Variants in LRPPRC observed in about 807,000 individuals in gnomAD.
The protein encoded by LRPPRC is leucine rich pentatricopeptide repeat containing, also known as leucine-rich PPR motif-containing protein, mitochondrial.
In LRPPRC, 120 loss-of-function variants were observed where a neutral mutation model predicts 180.3. The ratio of observed to expected loss-of-function variants is 0.67; its 90% CI spans 0.57 to 0.77. The LOEUF (loss-of-function observed/expected upper bound fraction) is 0.77, where lower values mean the gene tolerates loss of function less well. LRPPRC is among the 30% of genes least tolerant of loss of function. LRPPRC has a pLI of 0.00. For synonymous variants in LRPPRC, 723 were observed against 600.0 expected, an observed-to-expected ratio of 1.21 and a Z score of -3.00; for missense variants, 2,012 against 1,657.2, an observed-to-expected ratio of 1.21 and a Z score of -3.72.
chr2:43,980,545 C>A (rs545132258), intron 2 of LRPPRC, among the ~76,000 whole-genome samples: 2 of 119,080 alleles, frequency 1.7e-5, no homozygotes, highest in South Asian at 5.3e-4. Context: ...AAGATCAAGA[C>A]TCTGTTTCAA....
At chr2:43,898,301 A>T in intron 34 of LRPPRC, among the ~76,000 whole-genome samples, 1 of 152,166 alleles carries the variant, frequency 6.6e-6, no homozygotes, top group Non-Finnish European at 1.5e-5. Context: ...TAAAAACTGG[A>T]GGTCAAGCAC....
At chr2:43,959,289 T>C (rs1027895642) in intron 13 of LRPPRC, 16 of 696,926 alleles carry the variant, frequency 2.3e-5, no homozygotes, top group East Asian at 1.6e-4. Flanking sequence ...ATACTCAATA[T>C]TTGACTCAAA....
At chr2:43,961,922 C>T (rs1673363080) in intron 12 of LRPPRC, among the ~76,000 whole-genome samples, 1 of 152,116 alleles carries the variant, frequency 6.6e-6, no homozygotes, top group African/African-American at 2.4e-5. Context: ...CAGATCGCAC[C>T]ACTGCACTCT....
chr2:43,918,024 C>T lies in LRPPRC; in HGVS notation c.3148+1G>A. On this transcript the variant is annotated splice_donor_variant, in intron 29 of 37. Coordinates refer to ENST00000260665, the MANE Select transcript of LRPPRC (RefSeq NM_133259.4). LOFTEE classifies it high-confidence loss of function. ...ACACCCCCATCCCCGTATGTGCTTG[C>T]CTTTTTTTTGGTTCAATCGGCAGGC... 1 of 1,606,836 alleles carries T rather than the reference C, an allele frequency of 6.2e-7. No individual in the cohort carries two copies. The highest frequency in any genetic ancestry group is 8.5e-7 in the Non-Finnish European group (1 of 1,174,490).
chr2:43,943,624 C>T (rs1033172578), intron 23 of LRPPRC, 63 bp downstream of exon 23: 48 of 1,386,686 alleles, frequency 3.5e-5, no homozygotes, highest in African/African-American at 3.1e-4. Context: ...AAGTATAATC[C>T]GAAAATTATT....
intron 32 of LRPPRC, among the ~76,000 whole-genome samples, chr2:43,900,202 T>A (rs35508693): frequency 0.049 from 7,417 of 152,252 alleles, 246 homozygotes; most frequent in South Asian, 0.1. Flanking sequence ...AAAAAGTATC[T>A]TCACACTTTA....
chr2:43,889,631 A>C, intron 37 of LRPPRC, 103 bp downstream of exon 37: 2 of 992,178 alleles, frequency 2.0e-6, no homozygotes, highest in Non-Finnish European at 3.2e-6. Flanking sequence ...ACAGAGATCT[A>C]ATCCTCATGT....
chr2:43,916,292 G>C (rs370310506), intron 29 of LRPPRC, among the ~76,000 whole-genome samples: 1 of 152,082 alleles, frequency 6.6e-6, no homozygotes, highest in Non-Finnish European at 1.5e-5. Flanking sequence ...GAAAATAAGA[G>C]TAATATATGA....
rs777649659 is a variant in LRPPRC at position 43,912,574 on chromosome 2, G to GT, written c.3149-17_3149-16insA. On this transcript the variant is annotated splice_polypyrimidine_tract_variant and intron_variant, in intron 29 of 37. Transcript: ENST00000260665. ...TCATATGCCCCTATGAGAGAAAACA[G>GT]ACAAAAAAAATGAGATGACATTATT... 5.0e-6 allele frequency: 8 copies of GT among 1,602,076 alleles called. No individual in the cohort carries two copies. The highest frequency in any genetic ancestry group is 6.0e-6 in the Non-Finnish European group (7 of 1,170,806).
chr2:43,947,807 A>T (rs1408750652), intron 18 of LRPPRC, 32 bp from the exon 19 acceptor site: 2 of 1,397,378 alleles, frequency 1.4e-6, no homozygotes, highest in Non-Finnish European at 2.0e-6. Flanking sequence ...GCCCAGAATT[A>T]GAAAACACAC....
intron 35 of LRPPRC, among the ~76,000 whole-genome samples, chr2:43,894,977 CA>C (rs1670628950): frequency 6.6e-6 from 1 of 152,282 alleles, no homozygotes; most frequent in South Asian, 2.1e-4. Flanking sequence ...TTAGGTGCCA[CA>C]ACTGGTTGAT....
chr2:43,912,464 ATCT>A lies in LRPPRC; in HGVS notation c.3240_3242del (p.Glu1080del). The A allele has an allele frequency of 6.8e-6, 11 of 1,605,974 alleles. No individual in the cohort carries two copies. The highest frequency in any genetic ancestry group is 1.3e-5 in the African/African-American group (1 of 74,912). ...TCACTTCCATTGCTTGTGTAAAATA[ATCT>A]TCTGACATCAGTAATTTAATGAGAT... On this transcript the variant is annotated inframe_deletion, in exon 30 of 38. Transcript: ENST00000260665.
chr2:43,965,507 G>C (rs1184549455), intron 11 of LRPPRC, among the ~76,000 whole-genome samples: 1 of 152,116 alleles, frequency 6.6e-6, no homozygotes, highest in Non-Finnish European at 1.5e-5. Flanking sequence ...AAAACAAACA[G>C]TGAAGTGGAA....
Position 43,905,791 on chromosome 2 carries a change from C to G in LRPPRC, c.3276-11G>C. Reference sequence around the variant, plus strand: ...ATGTGGGTCTCCGCGCTAAAAGAAGCAGACATTTAGAAAGGAATTACTGAC... The same window carrying G: ...ATGTGGGTCTCCGCGCTAAAAGAAGGAGACATTTAGAAAGGAATTACTGAC... On this transcript the variant is annotated splice_polypyrimidine_tract_variant and intron_variant, in intron 30 of 37. Coordinates refer to ENST00000260665, the MANE Select transcript of LRPPRC (RefSeq NM_133259.4). 1 of 1,560,010 alleles carries G rather than the reference C, an allele frequency of 6.4e-7. No homozygotes were observed. Among genetic ancestry groups the G allele is most frequent in the Non-Finnish European group, 8.8e-7 (1 of 1,130,588 alleles).
At chr2:43,983,180 C>T (rs1188501654) in intron 1 of LRPPRC, among the ~76,000 whole-genome samples, 1 of 152,118 alleles carries the variant, frequency 6.6e-6, no homozygotes, top group African/African-American at 2.4e-5. Context: ...CAGAATAGTA[C>T]ATTATGTGTT....
intron 14 of LRPPRC, among the ~76,000 whole-genome samples, chr2:43,950,913 T>G (rs1185239603): frequency 6.6e-6 from 1 of 152,000 alleles, no homozygotes; most frequent in Non-Finnish European, 1.5e-5. Flanking sequence ...CCACTAGAAG[T>G]AGAAAAATTA....
chr2:43,920,202 C>A (rs1415873203), intron 27 of LRPPRC, among the ~76,000 whole-genome samples: 1 of 151,770 alleles, frequency 6.6e-6, no homozygotes, highest in East Asian at 1.9e-4. Context: ...GTGGCCCGAT[C>A]TCAGTTCAGT....
At chr2:43,892,034 G>A (rs1438193392) in intron 36 of LRPPRC, among the ~76,000 whole-genome samples, 1 of 152,182 alleles carries the variant, frequency 6.6e-6, no homozygotes, top group Non-Finnish European at 1.5e-5. Flanking sequence ...GCCTAATCCA[G>A]TGCAAGGCCC....
At position 43,973,654 on chromosome 2, in the gene LRPPRC, T is replaced by A. The variant is rs774319594; in HGVS notation, c.1322A>T (p.Tyr441Phe). 6.2e-7 allele frequency: 1 copy of A among 1,613,868 alleles called. No individual in the cohort carries two copies. Among genetic ancestry groups the A allele is most frequent in the African/African-American group, 1.3e-5 (1 of 74,906 alleles). The change falls in exon 11 of 38, where the codon TAT becomes TTT. Residue 441 changes from tyrosine to phenylalanine, a missense_variant. Coordinates refer to ENST00000260665, the MANE Select transcript of LRPPRC (RefSeq NM_133259.4). Reference sequence around the variant, plus strand: ...ACGTCCAACTAGCAATGGCCAGAAATAGTGAGGTCTGATAGGAAAACCTTC... The same window carrying A: ...ACGTCCAACTAGCAATGGCCAGAAAAAGTGAGGTCTGATAGGAAAACCTTC... ...KEEGFPIRPHYFWPLLVGRRK... is the reference protein window; with the variant it reads ...KEEGFPIRPHFFWPLLVGRRK...
Sources: allele counts gnomAD v4.1 joint callset (sites outside exome capture counted in the v4.1 genomes callset), GRCh38; gene constraint gnomAD v4.1.1; transcripts MANE v1.5; gene names NCBI Gene and HGNC (gene_info 2026-07-23, HGNC 2026-07-21).